The following SUOX variants were observed in gnomAD, a reference collection of about 807,000 sequenced individuals.
The protein encoded by SUOX is sulfite oxidase, mitochondrial.
In SUOX, 39 loss-of-function variants were observed where a neutral mutation model predicts 41.9. The ratio of observed to expected loss-of-function variants is 0.93; its 90% CI spans 0.72 to 1.21. The LOEUF (loss-of-function observed/expected upper bound fraction) is 1.21, where lower values mean the gene tolerates loss of function less well. Ranked by LOEUF, SUOX falls within the 50% of genes most tolerant of loss-of-function variation. The pLI is 0.00. For missense variants in SUOX, 633 were observed against 689.5 expected (o/e 0.92, Z 0.92); for synonymous variants, 220 against 268.4 (o/e 0.82, Z 1.76).
chr12:56,002,931 A>G, intron 4 of SUOX: 1 of 537,962 alleles, frequency 1.9e-6, no homozygotes, highest in East Asian at 3.5e-5. Flanking sequence ...AGAGGCTGAG[A>G]CACAAGAATC....
chr12:56,004,672 C>T lies in SUOX; in HGVS notation c.1283C>T (p.Ala428Val). The change falls in exon 5 of 5, where the codon GCC (alanine) becomes GTC (valine). Residue 428 changes from alanine (A) to valine (V), a missense_variant. By Grantham distance (64) the Ala-to-Val change is moderately conservative (BLOSUM62 0). Coordinates refer to ENST00000266971, the MANE Select transcript of SUOX (RefSeq NM_001032386.2). The surrounding 1 kb of genome is among the most constrained non-coding windows in gnomAD (Gnocchi z 4.5). Reference sequence around the variant, plus strand: ...ATTCAGGAACTTCCTGTCCAGTCGGCCATCACAGAGCCCCGGGATGGAGAG... The same window carrying T: ...ATTCAGGAACTTCCTGTCCAGTCGGTCATCACAGAGCCCCGGGATGGAGAG... ...PSIQELPVQS[A>V]ITEPRDGETV... 6.2e-7 allele frequency: 1 copy of T among 1,613,870 alleles called. No individual in the cohort carries two copies. Among genetic ancestry groups the T allele is most frequent in the Non-Finnish European group, 8.5e-7 (1 of 1,179,798 alleles).
intron 2 of SUOX, chr12:56,001,856 G>A (rs1890542735): frequency 2.9e-6 from 3 of 1,051,856 alleles, no homozygotes; most frequent in African/African-American, 1.7e-5. Context: ...TAATAATCTG[G>A]CCAGTAGACA....
intron 2 of SUOX, chr12:56,001,896 C>T: frequency 1.6e-6 from 2 of 1,244,224 alleles, no homozygotes; most frequent in African/African-American, 1.5e-5. Context: ...GCCCTTCGCC[C>T]CAGGCATCGT....
rs1890662344 is a variant in SUOX, at chr12:56,004,476, T to C, written c.1087T>C (p.Phe363Leu). 1.9e-6 allele frequency: 3 copies of C among 1,614,064 alleles called. No individual in the cohort carries two copies. The highest frequency in any genetic ancestry group is 1.7e-6 in the Non-Finnish European group (2 of 1,180,024). The change falls in exon 5 of 5, where the codon TTC (phenylalanine) becomes CTC (leucine). Residue 363 changes from phenylalanine to leucine, a missense_variant. Transcript: ENST00000266971. The surrounding 1 kb of genome is among the most constrained non-coding windows in gnomAD (Gnocchi z 4.5). Reference protein sequence around the residue: ...NGQPLPRDHGFPVRVVVPGVV... With the variant: ...NGQPLPRDHGLPVRVVVPGVV... ...GCAGCCTCTGCCACGTGACCACGGC[T>C]TCCCTGTGCGTGTGGTGGTTCCTGG...
At chr12:55,999,265 C>T (rs1225615117) in intron 2 of SUOX, 1 of 152,316 alleles carries the variant, frequency 6.6e-6, no homozygotes, top group African/African-American at 2.4e-5. Flanking sequence ...CTTAGATCTT[C>T]TCAGCCTCCA....
chr12:56,003,665 C>A lies in SUOX; in HGVS notation c.276C>A (p.Ser92=). 6.2e-7 allele frequency: 1 copy of A among 1,614,010 alleles called. No individual in the cohort carries two copies. The change falls in exon 5 of 5, where the codon TCC becomes TCA. Residue 92 remains serine, a synonymous_variant. Coordinates refer to ENST00000266971, the MANE Select transcript of SUOX (RefSeq NM_001032386.2). ...THIYTKEEVS[S]HTSPETGIWV... ...TATACACTAAGGAGGAAGTGAGTTCCCACACCAGCCCTGAGACTGGGATCT... is the reference window on the plus strand; with the variant it reads ...TATACACTAAGGAGGAAGTGAGTTCACACACCAGCCCTGAGACTGGGATCT...
rs1349040135 is a variant in SUOX, at chr12:56,005,321, T to G, written c.*294T>G. 1.7e-6 allele frequency: 1 copy of G among 593,698 alleles called. No individual in the cohort carries two copies. Among genetic ancestry groups the G allele is most frequent in the East Asian group, 2.8e-5 (1 of 36,272 alleles). 36.8% of individuals were successfully genotyped at this position (593,698 alleles called of 1,614,324 possible). A position where few individuals can be genotyped will look rare whatever the true frequency, so the allele number is the denominator to read the frequency against. On this transcript the variant is annotated 3_prime_UTR_variant, in exon 5 of 5. Transcript: ENST00000266971. ...TTTTCTCTTCCTACCCCACCTCCAT[T>G]TCTAATGCCTACTGCCATCAAGGCC...
intron 3 of SUOX, 91 bp downstream of exon 3, chr12:56,002,362 T>A: frequency 6.6e-7 from 1 of 1,519,738 alleles, no homozygotes; most frequent in Non-Finnish European, 9.0e-7. Context: ...ATAAGACAGT[T>A]GAGAGAGTGT....
chr12:56,003,049 T>A (rs1890592680), intron 4 of SUOX: 8 of 303,466 alleles, frequency 2.6e-5, no homozygotes, highest in East Asian at 8.1e-5. Flanking sequence ...AAAAAAAAAA[T>A]TGTCAGAATA....
rs1890578723 is a variant in SUOX, at chr12:56,002,691, G to T, written c.199G>T (p.Val67Leu). The change falls in exon 4 of 5, where the codon GTG (valine) becomes TTG (leucine). Residue 67 changes from valine to leucine, a missense_variant. Physicochemically the swap from Val to Leu is conservative, Grantham distance 32. Transcript: ENST00000266971. The stretch of plus-strand genomic sequence containing the variant: ...GGGGACCCTATTAGGTCTCGGTGCA[G>T]TGTTGGCCTATCAGGACCATCGGTG... ...VMGTLLGLGA[V>L]LAYQDHRCRA... 2 of 1,614,022 alleles carry T rather than the reference G, an allele frequency of 1.2e-6. No homozygotes were observed. The highest frequency in any genetic ancestry group is 1.7e-6 in the Non-Finnish European group (2 of 1,180,028).
chr12:56,005,124 T>C lies in SUOX; in HGVS notation c.*97T>C, dbSNP rs1223771002. ...CTTTCAACTTCTTGGATCACAACTC[T>C]GGCCTTCCTAAGCCATACCCAAGTA... On this transcript the variant is annotated 3_prime_UTR_variant, in exon 5 of 5. Transcript: ENST00000266971. 2.8e-6 allele frequency: 4 copies of C among 1,437,600 alleles called. No homozygotes were observed. In the South Asian group the frequency reaches 3.4e-5, roughly 12 times the overall value. The allele number at this position is 1,437,600 out of a possible 1,614,324, so 89.1% of individuals were successfully genotyped here.
intron 3 of SUOX, 120 bp from the exon 4 acceptor site, chr12:56,002,423 G>C: frequency 6.6e-7 from 1 of 1,521,544 alleles, no homozygotes; most frequent in Non-Finnish European, 9.1e-7. Context: ...CCTATCCCTG[G>C]AGAAACTAAG....
chr12:56,002,520 A>G, intron 3 of SUOX, 23 bp from the exon 4 acceptor site: 1 of 1,614,136 alleles, frequency 6.2e-7, no homozygotes, highest in Non-Finnish European at 8.5e-7. Context: ...CATACGTGCT[A>G]CTAAGACCGA....
chr12:56,002,306 C>T (rs1220920533), intron 3 of SUOX, 35 bp downstream of exon 3: 2 of 1,604,616 alleles, frequency 1.2e-6, no homozygotes, highest in Non-Finnish European at 1.7e-6. Flanking sequence ...GCCTCCTAGC[C>T]CCTATCTGCC....
Position 56,003,657 on chromosome 12 carries a change from G to C in SUOX, c.268G>C (p.Val90Leu), listed in dbSNP as rs1447551871. ...AACACACATATACACTAAGGAGGAAGTGAGTTCCCACACCAGCCCTGAGAC... is the reference window on the plus strand; with the variant it reads ...AACACACATATACACTAAGGAGGAACTGAGTTCCCACACCAGCCCTGAGAC... ...ESTHIYTKEE[V>L]SSHTSPETGI... The change falls in exon 5 of 5, where the codon GTG becomes CTG. Residue 90 changes from valine to leucine, a missense_variant. Val to Leu is a conservative substitution (Grantham distance 32, BLOSUM62 1). Transcript: ENST00000266971. The C allele has an allele frequency of 6.2e-7, 1 of 1,614,036 alleles. No homozygotes were observed. The highest frequency in any genetic ancestry group is 1.7e-5 in the Admixed American group (1 of 60,004).
chr12:56,005,196 T>C lies in SUOX; in HGVS notation c.*169T>C. ...AAGGACCTTCCCTCTTTGGACACTA[T>C]GTTACATACCCCTCTTGGCCTTTGA... is the stretch of plus-strand genomic sequence containing the variant. On this transcript the variant is annotated 3_prime_UTR_variant, in exon 5 of 5. Coordinates refer to ENST00000266971, the MANE Select transcript of SUOX (RefSeq NM_001032386.2). 2 of 734,980 alleles carry C rather than the reference T, an allele frequency of 2.7e-6. No individual in the cohort carries two copies. Among genetic ancestry groups the C allele is most frequent in the Non-Finnish European group, 4.6e-6 (2 of 433,030 alleles). 45.5% of individuals were successfully genotyped at this position (734,980 alleles called of 1,614,324 possible).
rs143692780 is a variant in SUOX, at chr12:56,003,636, C to A, written c.247C>A (p.His83Asn). Residue 83 changes from histidine (H) to asparagine (N), a missense_variant, in exon 5 of 5, where the codon CAC (histidine) becomes AAC (asparagine). By Grantham distance (68) the His-to-Asn change is moderately conservative. Coordinates refer to ENST00000266971, the MANE Select transcript of SUOX (RefSeq NM_001032386.2). The part of the protein sequence containing the change: ...HRCRAAQEST[H>N]IYTKEEVSSH... ...CCAATAGGCTGCTCAGGAGTCAACA[C>A]ACATATACACTAAGGAGGAAGTGAG... is the stretch of plus-strand genomic sequence containing the variant. The A allele has an allele frequency of 9.3e-6, 15 of 1,614,070 alleles. No homozygotes were observed. The highest frequency in any genetic ancestry group is 1.3e-5 in the Non-Finnish European group (15 of 1,180,034).
At chr12:55,999,307 T>C (rs1890423506) in intron 2 of SUOX, 2 of 152,832 alleles carry the variant, frequency 1.3e-5, no homozygotes, top group South Asian at 4.1e-4. Context: ...CGCTCCACCA[T>C]GCCCAACTAA....
chr12:56,002,516 T>C, intron 3 of SUOX, 27 bp from the exon 4 acceptor site: 2 of 1,613,964 alleles, frequency 1.2e-6, no homozygotes, highest in Non-Finnish European at 1.7e-6. Flanking sequence ...TGACCATACG[T>C]GCTACTAAGA....
Sources: gnomAD v4.1 joint callset for allele counts on GRCh38, gnomAD v4.1.1 for gene constraint, Gnocchi (gnomAD v3.1) non-coding constraint, MANE v1.5 for transcripts, NCBI Gene and HGNC (gene_info 2026-07-23, HGNC 2026-07-21) for gene names.